The following CFH variants were observed in gnomAD, a reference collection of about 807,000 sequenced individuals.
CFH encodes the protein complement factor H.
In CFH, 53 loss-of-function variants were observed where a neutral mutation model predicts 147.3. The ratio of observed to expected loss-of-function variants is 0.36; its 90% CI spans 0.29 to 0.45. CFH has a LOEUF of 0.45. CFH is among the 20% of genes least tolerant of loss of function. CFH has a pLI of 1.00. For missense variants in CFH, 1,380 were observed against 1,498.0 expected (o/e 0.92, Z 1.30); for synonymous variants, 536 against 489.4 (o/e 1.10, Z -1.26).
In CFH at chr1:196,677,732, G is replaced by A. The variant is rs1040353857; in HGVS notation, c.619+65G>A. 106 of 1,431,762 alleles carry A rather than the reference G, an allele frequency of 7.4e-5. No individual in the cohort carries two copies. The East Asian group carries it at 1.1e-3, about 15-fold the overall frequency. 88.7% of individuals were successfully genotyped at this position (1,431,762 alleles called of 1,614,324 possible). On this transcript the variant is annotated intron_variant, in intron 5 of 21. Coordinates refer to ENST00000367429, the MANE Select transcript of CFH (RefSeq NM_000186.4). The stretch of plus-strand genomic sequence containing the variant: ...AATGTAAATATACATTTAAAACATC[G>A]TTCATTCTAAGGAATATCAGCAATA...
At position 196,703,982 on chromosome 1, in the gene CFH, C is replaced by CAAAAAAA. The variant is rs386369224; in HGVS notation, c.1337-9736_1337-9730dup. Among the ~76,000 whole-genome samples the CAAAAAAA allele has an allele frequency of 6.6e-5, 4 of 60,566 alleles. 1 individual carries two copies. The East Asian group carries it at 1.9e-3, about 28-fold the overall frequency. The allele number at this position is 60,566 out of a possible 152,430, so 39.7% of individuals were successfully genotyped here. On this transcript the variant is annotated intron_variant, in intron 9 of 21. Coordinates refer to ENST00000367429, the MANE Select transcript of CFH (RefSeq NM_000186.4). ...CCTGGGGGACAGAGCAAGACTCTGTCAAAAAAAAAAAAAAAAAAAAAAAGA... is the reference window on the plus strand; with the variant it reads ...CCTGGGGGACAGAGCAAGACTCTGTCAAAAAAAAAAAAAAAAAAAAAAAAAAAAAAGA...
At chr1:196,694,426 C>T (rs1668178071) in intron 9 of CFH, among the ~76,000 whole-genome samples, 1 of 152,146 alleles carries the variant, frequency 6.6e-6, no homozygotes, top group South Asian at 2.1e-4. Context: ...TGGGTTGGTT[C>T]CAAATCTTTG....
In CFH at chr1:196,746,971, A is replaced by G. The variant is rs1018704066; in HGVS notation, c.3494-140A>G. On this transcript the variant is annotated intron_variant, in intron 21 of 21. Coordinates refer to ENST00000367429, the MANE Select transcript of CFH (RefSeq NM_000186.4). Reference sequence around the variant, plus strand: ...TTCTAAGTTTATTCAAATCAATATGATGTTTCTACATAGTTGGTTTGGATA... The same window carrying G: ...TTCTAAGTTTATTCAAATCAATATGGTGTTTCTACATAGTTGGTTTGGATA... The G allele has an allele frequency of 9.9e-6, 14 of 1,407,894 alleles. No homozygotes were observed. The Admixed American group carries it at 2.8e-4, about 28-fold the overall frequency. 87.2% of individuals were successfully genotyped at this position (1,407,894 alleles called of 1,614,324 possible). A position where few individuals can be genotyped will look rare whatever the true frequency, so the allele number is the denominator to read the frequency against.
rs1408219529 is a variant in CFH at position 196,661,116 on chromosome 1, C to T, written c.58+8941C>T. 2.0e-5 allele frequency among the ~76,000 whole-genome samples: 3 copies of T among 152,160 alleles called. No homozygotes were observed. In the East Asian group the frequency reaches 5.8e-4, roughly 29 times the overall value. On this transcript the variant is annotated intron_variant, in intron 1 of 21. Coordinates refer to ENST00000367429, the MANE Select transcript of CFH (RefSeq NM_000186.4). Reference sequence around the variant, plus strand: ...TGTTGTTATGATAGAGTATTAGCACCATCTAGTGGAGTAGAATATGTTTAC... The same window carrying T: ...TGTTGTTATGATAGAGTATTAGCACTATCTAGTGGAGTAGAATATGTTTAC...
chr1:196,696,270 A>G (rs889026612), intron 9 of CFH, among the ~76,000 whole-genome samples: 1 of 152,176 alleles, frequency 6.6e-6, no homozygotes, highest in Non-Finnish European at 1.5e-5. Context: ...CTCTCAGACC[A>G]CAGTGAAATC....
chr1:196,691,031 C>A (rs1195130132), intron 9 of CFH, among the ~76,000 whole-genome samples: 2 of 152,124 alleles, frequency 1.3e-5, no homozygotes, highest in Admixed American at 1.3e-4. Context: ...TTCGATTTTA[C>A]AGGCTCCTCT....
intron 9 of CFH, among the ~76,000 whole-genome samples, chr1:196,696,686 C>T (rs1373699593): frequency 2.0e-5 from 3 of 152,144 alleles, no homozygotes; most frequent in African/African-American, 4.8e-5. Flanking sequence ...AGAAAGAGCC[C>T]GCATTGCCAA....
chr1:196,677,867 C>G (rs559725896), intron 5 of CFH, 200 bp downstream of exon 5: 2 of 559,276 alleles, frequency 3.6e-6, no homozygotes, highest in Non-Finnish European at 6.4e-6. Context: ...GATTTACTTA[C>G]TCATCACTTT....
Position 196,726,030 on chromosome 1 carries a change from G to A in CFH, c.1874-440G>A, listed in dbSNP as rs903473374. 9.2e-5 allele frequency among the ~76,000 whole-genome samples: 14 copies of A among 152,262 alleles called. 1 individual carries two copies. Among genetic ancestry groups the A allele is most frequent in the African/African-American group, 3.4e-4 (14 of 41,562 alleles). On this transcript the variant is annotated intron_variant, in intron 12 of 21. Coordinates refer to ENST00000367429, the MANE Select transcript of CFH (RefSeq NM_000186.4). Reference sequence around the variant, plus strand: ...CTGGACATTTTATATAGTGTGGGCTGCAACTTAAGTTTCACCGGGTGTGTC... The same window carrying A: ...CTGGACATTTTATATAGTGTGGGCTACAACTTAAGTTTCACCGGGTGTGTC...
chr1:196,723,927 A>T (rs35717509), intron 11 of CFH, among the ~76,000 whole-genome samples: 2,212 of 152,032 alleles, frequency 0.015, 57 homozygotes, highest in African/African-American at 0.05. Context: ...ACAGAATTGG[A>T]TCCACGGGAC....
rs1480091266 is a variant in CFH, at chr1:196,740,634, C to A, written c.2798C>A (p.Ser933Tyr). 6.2e-7 allele frequency: 1 copy of A among 1,613,346 alleles called. No homozygotes were observed. The highest frequency in any genetic ancestry group is 8.5e-7 in the Non-Finnish European group (1 of 1,179,770). ...PPQCEGLPCK[S>Y]PPEISHGVVA... ...TTTTTTTTAGGCCTTCCTTGTAAATCTCCACCTGAGATTTCTCATGGTGTT... is the reference window on the plus strand; with the variant it reads ...TTTTTTTTAGGCCTTCCTTGTAAATATCCACCTGAGATTTCTCATGGTGTT... The change falls in exon 18 of 22, where the codon TCT becomes TAT. Residue 933 changes from serine (S) to tyrosine (Y), a missense_variant. Physicochemically the swap from Ser to Tyr is moderately radical, Grantham distance 144. Transcript: ENST00000367429.
intron 9 of CFH, chr1:196,701,397 C>A: frequency 6.2e-7 from 1 of 1,612,476 alleles, no homozygotes; most frequent in South Asian, 1.1e-5. Flanking sequence ...CCAATGGAAC[C>A]AAGTTTGAGT....
At chr1:196,738,812 T>G (rs998201209) in intron 17 of CFH, among the ~76,000 whole-genome samples, 1 of 152,218 alleles carries the variant, frequency 6.6e-6, no homozygotes, top group Non-Finnish European at 1.5e-5. Flanking sequence ...AGGCAGTGCC[T>G]CAGTGGGGAC....
At chr1:196,746,536 G>T (rs105980) in intron 21 of CFH, among the ~76,000 whole-genome samples, 1 of 151,800 alleles carries the variant, frequency 6.6e-6, no homozygotes, top group East Asian at 1.9e-4. Context: ...AATATATTTT[G>T]ATGTTTGACA....
In CFH at chr1:196,740,730, T is replaced by C; in HGVS notation, c.2894T>C (p.Ile965Thr). 1 of 1,614,044 alleles carries C rather than the reference T, an allele frequency of 6.2e-7. No individual in the cohort carries two copies. Among genetic ancestry groups the C allele is most frequent in the Non-Finnish European group, 8.5e-7 (1 of 1,179,970 alleles). Residue 965 changes from isoleucine (I) to threonine (T), a missense_variant, in exon 18 of 22, where the codon ATT (isoleucine) becomes ACT (threonine). Physicochemically the swap from Ile to Thr is moderately conservative, Grantham distance 89. Transcript: ENST00000367429. ...VTYKCFEGFG[I>T]DGPAIAKCLG... Reference sequence around the variant, plus strand: ...TACAAATGTTTTGAAGGTTTTGGAATTGATGGGCCTGCAATTGCAAAATGC... The same window carrying C: ...TACAAATGTTTTGAAGGTTTTGGAACTGATGGGCCTGCAATTGCAAAATGC...
At chr1:196,701,885 C>T (rs1444930386) in intron 9 of CFH, among the ~76,000 whole-genome samples, 4 of 152,148 alleles carry the variant, frequency 2.6e-5, no homozygotes, top group Admixed American at 2.0e-4. Context: ...TTTAACATGG[C>T]TTAACCTTAA....
intron 10 of CFH, 137 bp from the exon 11 acceptor site, chr1:196,715,456 A>G: frequency 1.5e-6 from 1 of 657,176 alleles, no homozygotes; most frequent in Non-Finnish European, 2.6e-6. Context: ...AATTCTCACC[A>G]GTCATAGATT....
At chr1:196,674,383 A>G (rs193163997) in intron 3 of CFH, among the ~76,000 whole-genome samples, 1 of 152,316 alleles carries the variant, frequency 6.6e-6, no homozygotes, top group East Asian at 1.9e-4. Flanking sequence ...TCACCTGCTT[A>G]TAAGTTTTAC....
In CFH at chr1:196,747,319, A is replaced by C; in HGVS notation, c.*6A>C. On this transcript the variant is annotated 3_prime_UTR_variant, in exon 22 of 22. Transcript: ENST00000367429. ...CAACTTGTGCAAAAAGATAGAATCA[A>C]TCATAAAGTGCACACCTTTATTCAG... The C allele has an allele frequency of 2.5e-6, 4 of 1,614,126 alleles. No individual in the cohort carries two copies. The highest frequency in any genetic ancestry group is 3.4e-6 in the Non-Finnish European group (4 of 1,179,976).
Sources: allele counts gnomAD v4.1 joint callset (sites outside exome capture counted in the v4.1 genomes callset), GRCh38; gene constraint gnomAD v4.1.1; transcripts MANE v1.5; gene names NCBI Gene and HGNC (gene_info 2026-07-23, HGNC 2026-07-21).